PDE8A: variants seen among roughly 807,000 people sequenced by gnomAD.
PDE8A encodes high affinity cAMP-specific and IBMX-insensitive 3',5'-cyclic phosphodiesterase 8A.
In PDE8A, 59 loss-of-function variants were observed where a neutral mutation model predicts 105.0. The observed-to-expected ratio is 0.56, with a 90% confidence interval of 0.46 to 0.70. The LOEUF is 0.70. PDE8A is among the 30% of genes least tolerant of loss of function. PDE8A has a pLI of 0.00. For synonymous variants in PDE8A, 355 were observed against 371.9 expected (o/e 0.95, Z 0.52); for missense variants, 1,014 against 1,045.9 (o/e 0.97, Z 0.42).
intron 5 of PDE8A, among the ~76,000 whole-genome samples, chr15:85,080,423 C>T (rs556952300): frequency 2.0e-5 from 3 of 152,118 alleles, no homozygotes; most frequent in East Asian, 1.9e-4. Context: ...CAACTAAGGC[C>T]GCAAAACTGG....
chr15:85,091,901 C>CTTTTTTTTTTTTTTTTT (rs563631633), intron 8 of PDE8A, among the ~76,000 whole-genome samples: 2 of 88,388 alleles, frequency 2.3e-5, no homozygotes, highest in African/African-American at 4.4e-5. Flanking sequence ...TTCTGCTGGA[C>CTTTTTTTTTTTTTTTTT]TTTTTTTTTT....
chr15:84,982,833 A>T (rs1203215882), intron 1 of PDE8A, among the ~76,000 whole-genome samples: 1 of 152,228 alleles, frequency 6.6e-6, no homozygotes, highest in Non-Finnish European at 1.5e-5. Flanking sequence ...GTTGCAGGTT[A>T]CCATTTTCTT....
rs1388653788 is a variant in PDE8A, at chr15:84,982,242, C to G, written c.80C>G (p.Ser27Trp). 1.4e-6 allele frequency: 2 copies of G among 1,463,970 alleles called. No individual in the cohort carries two copies. The highest frequency in any genetic ancestry group is 3.0e-5 in the East Asian group (1 of 33,636). 90.7% of individuals were successfully genotyped at this position (1,463,970 alleles called of 1,614,324 possible). ...CCTAGCCCCGCGGCACCGCCGCTGT[C>G]GTCCGGCGGGCCGCGCCTCCCGCAG... is the stretch of plus-strand genomic sequence containing the variant. ...DAPSPAAPPL[S>W]SGGPRLPQGQ... The change falls in exon 1 of 22, where the codon TCG (serine) becomes TGG (tryptophan). Residue 27 changes from serine to tryptophan, a missense_variant. Transcript: ENST00000394553.
intron 1 of PDE8A, among the ~76,000 whole-genome samples, chr15:85,050,426 T>C (rs1416947214): frequency 1.3e-5 from 2 of 152,200 alleles, no homozygotes; most frequent in African/African-American, 4.8e-5. Context: ...CTATATTCTC[T>C]TTTAGGAATT....
At position 85,066,583 on chromosome 15, in the gene PDE8A, AACACACACACACACACACAC is replaced by A. The variant is rs57124766; in HGVS notation, c.244-391_244-372del. Among the ~76,000 whole-genome samples the A allele has an allele frequency of 2.9e-3, 345 of 117,016 alleles. 2 individuals are homozygous for A. Among genetic ancestry groups the A allele is most frequent in the Middle Eastern group, 8.5e-3 (2 of 236 alleles). 76.8% of individuals were successfully genotyped at this position (117,016 alleles called of 152,430 possible). On this transcript the variant is annotated intron_variant, in intron 2 of 21. Transcript: ENST00000394553. Reference sequence around the variant, plus strand: ...TGTTGCCCACCCACCATCCCCCCAAAACACACACACACACACACACACACACACACACACACACACACACA... The same window carrying A: ...TGTTGCCCACCCACCATCCCCCCAAAACACACACACACACACACACACACA...
intron 19 of PDE8A, among the ~76,000 whole-genome samples, chr15:85,124,785 C>A (rs1230218747): frequency 6.6e-6 from 1 of 152,296 alleles, no homozygotes; most frequent in East Asian, 1.9e-4. Flanking sequence ...GGCTCATTGT[C>A]ACCTGGCCAC....
Position 85,115,489 on chromosome 15 carries a change from T to G in PDE8A, c.1399+2T>G. On this transcript the variant is annotated splice_donor_variant, in intron 15 of 21. Transcript: ENST00000394553. LOFTEE classifies it high-confidence loss of function. The stretch of plus-strand genomic sequence containing the variant: ...ATGAATATGTTCTTTCAACAAAAAG[T>G]AAGTTTTTCCTTTTTAATTTCTTAG... The G allele has an allele frequency of 6.8e-7, 1 of 1,472,528 alleles. No homozygotes were observed. Among genetic ancestry groups the G allele is most frequent in the Non-Finnish European group, 9.2e-7 (1 of 1,087,648 alleles). 91.2% of individuals were successfully genotyped at this position (1,472,528 alleles called of 1,614,324 possible). A position where few individuals can be genotyped will look rare whatever the true frequency, so the allele number is the denominator to read the frequency against.
At chr15:85,084,226 C>CA (rs1169500825) in intron 6 of PDE8A, among the ~76,000 whole-genome samples, 1 of 152,138 alleles carries the variant, frequency 6.6e-6, no homozygotes, top group African/African-American at 2.4e-5. Context: ...ATTTCCTTTA[C>CA]TAGGGATCAA....
rs866177418 is a variant in PDE8A, at chr15:85,083,610, G to A, written c.601G>A (p.Glu201Lys). Residue 201 changes from glutamate to lysine, a missense_variant, in exon 6 of 22, where the codon GAG becomes AAG. By Grantham distance (56) the Glu-to-Lys change is moderately conservative. Transcript: ENST00000394553. ...CTGCTACAATGAACTGCTCCAGCTG[G>A]AGTTTGGAGAGGTGCGATCACAACT... ...MACYNELLQL[E>K]FGEVRSQLKL... 8 of 1,613,608 alleles carry A rather than the reference G, an allele frequency of 5.0e-6. No individual in the cohort carries two copies. The South Asian group carries it at 8.8e-5, about 18-fold the overall frequency.
intron 1 of PDE8A, among the ~76,000 whole-genome samples, chr15:85,049,441 T>C (rs2080938689): frequency 2.0e-5 from 3 of 152,344 alleles, no homozygotes; most frequent in Middle Eastern, 6.8e-3. Flanking sequence ...TGGAATCATA[T>C]AGAATTTGTC....
At chr15:85,009,110 AGTGTGTGTGTGT>A (rs56313426) in intron 1 of PDE8A, among the ~76,000 whole-genome samples, 3 of 64,112 alleles carry the variant, frequency 4.7e-5, no homozygotes, top group African/African-American at 1.4e-4. Context: ...AGAGAGAGAG[AGTGTGTGTGTGT>A]GTGTGTGTGT....
At chr15:85,050,287 G>T (rs1410870155) in intron 1 of PDE8A, among the ~76,000 whole-genome samples, 2 of 152,072 alleles carry the variant, frequency 1.3e-5, no homozygotes, top group Non-Finnish European at 2.9e-5. Flanking sequence ...TGTTGATGTT[G>T]TCTTTTTATG....
chr15:85,108,993 C>G, intron 11 of PDE8A, 60 bp from the exon 12 acceptor site: 1 of 1,194,152 alleles, frequency 8.4e-7, no homozygotes, highest in Non-Finnish European at 1.2e-6. Context: ...AGATTGGTAA[C>G]CTTCCTTAAT....
chr15:85,088,619 AG>A (rs774118302), intron 6 of PDE8A, among the ~76,000 whole-genome samples: 2 of 152,242 alleles, frequency 1.3e-5, no homozygotes, highest in African/African-American at 4.8e-5. Flanking sequence ...TTTCCCAAAA[AG>A]GGGCTGCACT....
chr15:84,996,343 G>A lies in PDE8A; in HGVS notation c.186+13995G>A, dbSNP rs180789113. Among the ~76,000 whole-genome samples, 151 of 151,672 alleles carry A rather than the reference G, an allele frequency of 1.0e-3. 1 individual carries two copies. Among genetic ancestry groups the A allele is most frequent in the Non-Finnish European group, 3.4e-4 (23 of 67,880 alleles). ...TAGATGTATGCCACCATGCCTGGCCGATTTTTAAAATTTTTAAAAAAGAGA... is the reference window on the plus strand; with the variant it reads ...TAGATGTATGCCACCATGCCTGGCCAATTTTTAAAATTTTTAAAAAAGAGA... On this transcript the variant is annotated intron_variant, in intron 1 of 21. Coordinates refer to ENST00000394553, the MANE Select transcript of PDE8A (RefSeq NM_002605.3).
intron 1 of PDE8A, among the ~76,000 whole-genome samples, chr15:84,991,927 T>A (rs1259151973): frequency 6.6e-6 from 1 of 152,058 alleles, no homozygotes; most frequent in Non-Finnish European, 1.5e-5. Context: ...GCAGGAGGAT[T>A]ACTTGAGGCC....
chr15:85,089,324 GT>G lies in PDE8A; in HGVS notation c.636-11del. The G allele has an allele frequency of 7.3e-7, 1 of 1,374,492 alleles. No homozygotes were observed. Among genetic ancestry groups the G allele is most frequent in the Non-Finnish European group, 1.0e-6 (1 of 981,934 alleles). 85.1% of individuals were successfully genotyped at this position (1,374,492 alleles called of 1,614,324 possible). On this transcript the variant is annotated splice_polypyrimidine_tract_variant and intron_variant, in intron 6 of 21. Coordinates refer to ENST00000394553, the MANE Select transcript of PDE8A (RefSeq NM_002605.3). ...ATTTACATTAATCATTCCTTTTTTT[GT>G]TTACTCATAAAGGGCTTGTAACTCA... is the stretch of plus-strand genomic sequence containing the variant.
At chr15:84,994,688 C>T (rs374401975) in intron 1 of PDE8A, among the ~76,000 whole-genome samples, 5 of 152,102 alleles carry the variant, frequency 3.3e-5, no homozygotes, top group Admixed American at 1.3e-4. Flanking sequence ...CAAGTGAGGA[C>T]GGGAGCGGTG....
intron 6 of PDE8A, among the ~76,000 whole-genome samples, chr15:85,089,088 A>G (rs1317561406): frequency 1.3e-5 from 2 of 152,092 alleles, no homozygotes; most frequent in African/African-American, 4.8e-5. Flanking sequence ...TGACCGTGGT[A>G]TGTGGCCACC....
Sources: allele counts gnomAD v4.1 joint callset (sites outside exome capture counted in the v4.1 genomes callset), GRCh38; gene constraint gnomAD v4.1.1; transcripts MANE v1.5; gene names NCBI Gene and HGNC (gene_info 2026-07-23, HGNC 2026-07-21).